The following AADAT variants were observed in gnomAD, a reference collection of about 807,000 sequenced individuals.
The protein encoded by AADAT is kynurenine/alpha-aminoadipate aminotransferase, mitochondrial.
AADAT carries 25 observed loss-of-function variants against 56.2 expected under a neutral mutation model. That is an observed-to-expected ratio of 0.44 (90% CI 0.32 to 0.62). AADAT has a LOEUF of 0.62. Among genes scored for constraint, AADAT ranks in the 20% least tolerant of loss-of-function variants. The pLI, the probability that AADAT is intolerant of heterozygous loss-of-function variation, is 0.04. For missense variants in AADAT, 387 were observed against 510.5 expected, an observed-to-expected ratio of 0.76 and a Z score of 2.33; for synonymous variants, 173 against 164.7, an observed-to-expected ratio of 1.05 and a Z score of -0.39.
chr4:170,060,897 G>T lies in AADAT; in HGVS notation c.*31C>A. The stretch of plus-strand genomic sequence containing the variant: ...CCCAAAGTGCTGGGATTATAGGTGT[G>T]AGCCACCATGCCCAACCTAGTTTAA... On this transcript the variant is annotated 3_prime_UTR_variant, in exon 13 of 13. Transcript: ENST00000337664. 1 of 1,528,726 alleles carries T rather than the reference G, an allele frequency of 6.5e-7. No homozygotes were observed. Among genetic ancestry groups the T allele is most frequent in the Non-Finnish European group, 8.8e-7 (1 of 1,137,078 alleles). 94.7% of individuals were successfully genotyped at this position (1,528,726 alleles called of 1,614,324 possible).
intron 10 of AADAT, among the ~76,000 whole-genome samples, chr4:170,066,139 T>C (rs534214385): frequency 6.6e-6 from 1 of 152,244 alleles, no homozygotes; most frequent in Non-Finnish European, 1.5e-5. Flanking sequence ...TGAAAATAGA[T>C]ATTATTAAGC....
rs1463198775 is a variant in AADAT, at chr4:170,061,015, T to C, written c.1237-46A>G. 5.3e-6 allele frequency: 7 copies of C among 1,312,446 alleles called. No homozygotes were observed. The South Asian group carries it at 5.6e-5, about 10-fold the overall frequency. The allele number at this position is 1,312,446 out of a possible 1,614,324, so 81.3% of individuals were successfully genotyped here. ...TAGAATTAATTAAATTAGGATACTA[T>C]ATTGGAAAACTCTGTAATAACTTTA... On this transcript the variant is annotated intron_variant, in intron 12 of 12. Transcript: ENST00000337664.
intron 6 of AADAT, 42 bp from the exon 7 acceptor site, chr4:170,069,272 T>C (rs756377664): frequency 6.7e-7 from 1 of 1,488,300 alleles, no homozygotes; most frequent in Non-Finnish European, 9.3e-7. Context: ...CTGAAAGCTC[T>C]GTTAGTCACT....
upstream of AADAT, among the ~76,000 whole-genome samples, chr4:170,093,683 C>A (rs146682088): frequency 2.6e-5 from 4 of 152,184 alleles, no homozygotes; most frequent in African/African-American, 9.7e-5. Context: ...GCAGCCTCGT[C>A]TTCCCGGGCT....
chr4:170,088,279 C>T (rs780262092), intron 2 of AADAT, 117 bp downstream of exon 2: 46 of 1,128,254 alleles, frequency 4.1e-5, no homozygotes, highest in East Asian at 7.7e-5. Flanking sequence ...GGGTCAATGG[C>T]TTTAGAATAT....
chr4:170,093,911 T>C (rs1418529985), upstream of AADAT, among the ~76,000 whole-genome samples: 2 of 152,230 alleles, frequency 1.3e-5, no homozygotes, highest in African/African-American at 4.8e-5. Context: ...CACAGGCATT[T>C]TTAAAAATAC....
rs765444553 is a variant in AADAT at position 170,061,987 on chromosome 4, T to G, written c.1141A>C (p.Met381Leu). ...EEKAVKMGVLMLPGNAFYVDS... is the reference protein window; with the variant it reads ...EEKAVKMGVLLLPGNAFYVDS... ...ACGTAGAAAGCATTTCCAGGGAGCATTAATACCTAAGAGAGTTTGTGGAAG... is the reference window on the plus strand; with the variant it reads ...ACGTAGAAAGCATTTCCAGGGAGCAGTAATACCTAAGAGAGTTTGTGGAAG... The change falls in exon 12 of 13, where the codon ATG (methionine) becomes CTG (leucine). Residue 381 changes from methionine (M) to leucine (L), a missense_variant. Coordinates refer to ENST00000337664, the MANE Select transcript of AADAT (RefSeq NM_016228.4). The G allele has an allele frequency of 6.2e-7, 1 of 1,610,578 alleles. No homozygotes were observed. The highest frequency in any genetic ancestry group is 2.2e-5 in the East Asian group (1 of 44,748).
rs564039381 is a variant in AADAT at position 170,089,594 on chromosome 4, C to A, written c.67+30G>T. On this transcript the variant is annotated intron_variant, in intron 1 of 12. Coordinates refer to ENST00000337664, the MANE Select transcript of AADAT (RefSeq NM_016228.4). Reference sequence around the variant, plus strand: ...AGGCTGTGCGAGGAATGCCCCACCCCAAAGGAGAGATGGTCACCCCGTTTC... The same window carrying A: ...AGGCTGTGCGAGGAATGCCCCACCCAAAAGGAGAGATGGTCACCCCGTTTC... 8.7e-6 allele frequency: 14 copies of A among 1,613,798 alleles called. No individual in the cohort carries two copies. In the East Asian group the frequency reaches 2.9e-4, roughly 33 times the overall value.
At chr4:170,069,065 A>G in intron 7 of AADAT, 83 bp downstream of exon 7, 1 of 1,222,370 alleles carries the variant, frequency 8.2e-7, no homozygotes, top group South Asian at 1.5e-5. Flanking sequence ...TTAAGTGAAA[A>G]AAATTGTCTA....
intron 9 of AADAT, 141 bp from the exon 10 acceptor site, chr4:170,066,619 T>C: frequency 1.6e-6 from 1 of 625,918 alleles, no homozygotes; most frequent in South Asian, 2.1e-5. Context: ...GGAGCATATT[T>C]GTTTCACTTG....
rs1291307520 is a variant in AADAT at position 170,087,104 on chromosome 4, T to C, written c.369+12A>G. 3 of 1,613,234 alleles carry C rather than the reference T, an allele frequency of 1.9e-6. No individual in the cohort carries two copies. The South Asian group carries it at 3.3e-5, about 18-fold the overall frequency. ...ATTCTACATTTTGGCTGAGTTTTCC[T>C]TTCAGTCTTACCTTACAAAGACCTT... On this transcript the variant is annotated intron_variant, in intron 3 of 12. Transcript: ENST00000337664.
At chr4:170,084,796 G>A (rs183419458) in intron 3 of AADAT, among the ~76,000 whole-genome samples, 6 of 152,314 alleles carry the variant, frequency 3.9e-5, no homozygotes, top group Admixed American at 2.0e-4. Flanking sequence ...ATTGACTTAA[G>A]CTTTACAAGA....
chr4:170,064,173 T>C (rs1731330530), intron 11 of AADAT, among the ~76,000 whole-genome samples: 1 of 152,234 alleles, frequency 6.6e-6, no homozygotes, highest in Non-Finnish European at 1.5e-5. Flanking sequence ...TATGCTTTTA[T>C]ACATTTTCCA....
intron 3 of AADAT, among the ~76,000 whole-genome samples, chr4:170,085,124 A>G (rs1732493417): frequency 6.6e-6 from 1 of 152,220 alleles, no homozygotes; most frequent in South Asian, 2.1e-4. Context: ...ACTTTATTGT[A>G]AAAATATAGT....
At chr4:170,089,242 C>A in intron 1 of AADAT, 1 of 439,862 alleles carries the variant, frequency 2.3e-6, no homozygotes, top group South Asian at 1.9e-5. Flanking sequence ...GCTTCATGGC[C>A]CACCCCTCTC....
chr4:170,092,500 T>G (rs1457663435), upstream of AADAT, among the ~76,000 whole-genome samples: 1 of 152,094 alleles, frequency 6.6e-6, no homozygotes, highest in East Asian at 1.9e-4. Flanking sequence ...ACACTGACTT[T>G]AAGAACTGTT....
chr4:170,091,394 G>A (rs929820381), upstream of AADAT, among the ~76,000 whole-genome samples: 1 of 152,204 alleles, frequency 6.6e-6, no homozygotes, highest in African/African-American at 2.4e-5. Context: ...CGGAGGGTGT[G>A]CCCAGTCTCC....
intron 6 of AADAT, among the ~76,000 whole-genome samples, chr4:170,069,438 C>A (rs1322346205): frequency 6.6e-6 from 1 of 152,086 alleles, no homozygotes; most frequent in Admixed American, 6.6e-5. Flanking sequence ...GGCTTTTCTG[C>A]CAAAAACACA....
At chr4:170,087,970 G>A (rs2111216536) in intron 2 of AADAT, among the ~76,000 whole-genome samples, 2 of 150,294 alleles carry the variant, frequency 1.3e-5, no homozygotes, top group Middle Eastern at 6.9e-3. Flanking sequence ...GAAGATCCAG[G>A]ATGCTTAAAC....
Sources: allele counts gnomAD v4.1 joint callset (sites outside exome capture counted in the v4.1 genomes callset), GRCh38; gene constraint gnomAD v4.1.1; transcripts MANE v1.5; gene names NCBI Gene and HGNC (gene_info 2026-07-23, HGNC 2026-07-21).